Variants in TRAPPC9 observed in about 807,000 individuals in gnomAD.
The protein encoded by TRAPPC9 is trafficking protein particle complex subunit 9, also known as IKK2 binding protein.
TRAPPC9 carries 83 observed loss-of-function variants against 124.0 expected under a neutral mutation model. That is an observed-to-expected ratio of 0.67 (90% CI 0.56 to 0.80). The LOEUF is 0.80. Ranked by LOEUF, TRAPPC9 falls within the 30% of genes least tolerant of loss-of-function variation. The probability of loss-of-function intolerance (pLI) is 0.00; values close to 1 mark genes in which losing one functional copy is unlikely to be tolerated. For synonymous variants in TRAPPC9, 638 were observed against 617.5 expected, an observed-to-expected ratio of 1.03 and a Z score of -0.49; for missense variants, 1,302 against 1,508.3, an observed-to-expected ratio of 0.86 and a Z score of 2.27.
In TRAPPC9 at chr8:140,450,808, C is replaced by A. The variant is rs2071427196; in HGVS notation, c.566G>T (p.Gly189Val). ...CVPFEKKDFV[G>V]LDTDSRHYKK... Reference sequence around the variant, plus strand: ...AGCTTACCTGCTGTCTGTGTCCAGTCCTACAAAGTCCTTTTTCTCAAACGG... The same window carrying A: ...AGCTTACCTGCTGTCTGTGTCCAGTACTACAAAGTCCTTTTTCTCAAACGG... Residue 189 changes from glycine to valine, a missense_variant, in exon 2 of 23, where the codon GGA becomes GTA. Physicochemically the swap from Gly to Val is moderately radical, Grantham distance 109. Coordinates refer to ENST00000438773, the MANE Select transcript of TRAPPC9 (RefSeq NM_001160372.4). 5 of 1,609,854 alleles carry A rather than the reference C, an allele frequency of 3.1e-6. No homozygotes were observed. The East Asian group carries it at 8.9e-5, about 29-fold the overall frequency.
chr8:140,272,135 G>GTGATGGTGA (rs1563903632), intron 15 of TRAPPC9, among the ~76,000 whole-genome samples: 1 of 143,180 alleles, frequency 7.0e-6, no homozygotes, highest in African/African-American at 2.9e-5. Flanking sequence ...GGTGGCGATG[G>GTGATGGTGA]TGATGGTGAT....
chr8:140,321,653 G>A (rs1003363639), intron 9 of TRAPPC9, among the ~76,000 whole-genome samples: 3 of 152,164 alleles, frequency 2.0e-5, no homozygotes, highest in African/African-American at 7.2e-5. Flanking sequence ...GGAGAAAAGG[G>A]CTGAACTTGG....
chr8:140,169,947 A>G (rs1214302689), intron 17 of TRAPPC9, among the ~76,000 whole-genome samples: 1 of 152,118 alleles, frequency 6.6e-6, no homozygotes, highest in Non-Finnish European at 1.5e-5. Flanking sequence ...CATGTTGCCT[A>G]GGGTGACCTC....
chr8:140,127,462 C>G (rs879479221), intron 17 of TRAPPC9, among the ~76,000 whole-genome samples: 12 of 152,216 alleles, frequency 7.9e-5, no homozygotes, highest in Admixed American at 7.2e-4. Context: ...AGATGCTAAG[C>G]ATCTTGAGGA....
intron 21 of TRAPPC9, among the ~76,000 whole-genome samples, chr8:139,814,174 G>A (rs1183169541): frequency 2.0e-5 from 3 of 152,360 alleles, no homozygotes; most frequent in Non-Finnish European, 2.9e-5. Context: ...TGTGCTCCGC[G>A]AGGCAGGCGG....
At position 139,945,126 on chromosome 8, in the gene TRAPPC9, A is replaced by AAAT. The variant is rs778538666; in HGVS notation, c.2811-34829_2811-34827dup. Among the ~76,000 whole-genome samples, 219 of 152,234 alleles carry AAAT rather than the reference A, an allele frequency of 1.4e-3. 2 individuals are homozygous for AAAT. Among genetic ancestry groups the AAAT allele is most frequent in the African/African-American group, 5.1e-3 (212 of 41,546 alleles). ...GCAACAGAGTGAGACTCCATCTCAA[A>AAAT]AATAATAATAATAAAGAAATAAATA... is the stretch of plus-strand genomic sequence containing the variant. On this transcript the variant is annotated intron_variant, in intron 19 of 22. Coordinates refer to ENST00000438773, the MANE Select transcript of TRAPPC9 (RefSeq NM_001160372.4).
In TRAPPC9 at chr8:140,215,461, A is replaced by C. The variant is rs141439332; in HGVS notation, c.2556+5998T>G. Among the ~76,000 whole-genome samples, 488 of 151,964 alleles carry C rather than the reference A, an allele frequency of 3.2e-3. 3 individuals carry two copies. Among genetic ancestry groups the C allele is most frequent in the African/African-American group, 0.011 (469 of 41,386 alleles). ...AGTTCGGGACCAGCCCAGGCAACAC[A>C]GTGAAACCCCATCTCTACTAAAATA... is the stretch of plus-strand genomic sequence containing the variant. On this transcript the variant is annotated intron_variant, in intron 17 of 22. Transcript: ENST00000438773.
Position 140,104,652 on chromosome 8 carries a change from C to T in TRAPPC9, c.2557-80573G>A, listed in dbSNP as rs369158226. 2.0e-4 allele frequency among the ~76,000 whole-genome samples: 30 copies of T among 152,288 alleles called. No homozygotes were observed. Among genetic ancestry groups the T allele is most frequent in the African/African-American group, 7.2e-4 (30 of 41,558 alleles). ...CAGGCGGCAGGAATGCTGCGTCACA[C>T]ACAGGTGCTGTAAAAAGCTACGACA... On this transcript the variant is annotated intron_variant, in intron 17 of 22. Coordinates refer to ENST00000438773, the MANE Select transcript of TRAPPC9 (RefSeq NM_001160372.4). This position sits in a 1 kb window ranked among gnomAD's most constrained non-coding sequence, Gnocchi z 4.0.
At chr8:139,910,826 T>G (rs1306159858) in intron 19 of TRAPPC9, among the ~76,000 whole-genome samples, 6 of 152,206 alleles carry the variant, frequency 3.9e-5, no homozygotes, top group Non-Finnish European at 4.4e-5. Flanking sequence ...ATTTACCCAA[T>G]GTCTGTACCC....
At chr8:139,815,835 G>C (rs1321135514) in intron 21 of TRAPPC9, among the ~76,000 whole-genome samples, 1 of 152,254 alleles carries the variant, frequency 6.6e-6, no homozygotes, top group African/African-American at 2.4e-5. Flanking sequence ...GGGCAAGGAG[G>C]CTGCGTGTGC....
intron 17 of TRAPPC9, chr8:140,040,387 T>G (rs1328025007): frequency 6.6e-6 from 1 of 152,236 alleles, no homozygotes; most frequent in Non-Finnish European, 1.5e-5. Flanking sequence ...CTGAGCTTAA[T>G]AGGAGCACGC....
chr8:139,729,494 G>A lies in TRAPPC9; in HGVS notation c.*1567C>T, dbSNP rs757056538. ...ACCTTCTGGGGCTGCCTTCCCTGGGGAGCCTCGAGCAGATGCTGAATGAGC... is the reference window on the plus strand; with the variant it reads ...ACCTTCTGGGGCTGCCTTCCCTGGGAAGCCTCGAGCAGATGCTGAATGAGC... On this transcript the variant is annotated 3_prime_UTR_variant, in exon 23 of 23. Transcript: ENST00000438773. Among the ~76,000 whole-genome samples the A allele has an allele frequency of 6.6e-6, 1 of 152,230 alleles. No individual in the cohort carries two copies. Among genetic ancestry groups the A allele is most frequent in the Non-Finnish European group, 1.5e-5 (1 of 68,040 alleles).
At position 140,144,815 on chromosome 8, in the gene TRAPPC9, T is replaced by C. The variant is rs1445462066; in HGVS notation, c.2556+76644A>G. 4.6e-5 allele frequency among the ~76,000 whole-genome samples: 7 copies of C among 152,158 alleles called. No homozygotes were observed. In the East Asian group the frequency reaches 1.2e-3, roughly 25 times the overall value. On this transcript the variant is annotated intron_variant, in intron 17 of 22. Coordinates refer to ENST00000438773, the MANE Select transcript of TRAPPC9 (RefSeq NM_001160372.4). ...ATTGTATTTTTCTAACTGGTTTTTA[T>C]GGATCTAGATGAATGTTACTAATTT...
At chr8:140,430,146 CAA>C (rs765983225) in intron 4 of TRAPPC9, among the ~76,000 whole-genome samples, 16 of 100,384 alleles carry the variant, frequency 1.6e-4, no homozygotes, top group Admixed American at 5.1e-4. Context: ...GACTCCATCC[CAA>C]AAAAAAAAAA....
At chr8:139,755,660 A>G (rs1338225778) in intron 21 of TRAPPC9, among the ~76,000 whole-genome samples, 57 of 75,344 alleles carry the variant, frequency 7.6e-4, no homozygotes, top group Admixed American at 1.1e-3. Flanking sequence ...GTTGGGGTAT[A>G]AGGACAGCAG....
At chr8:140,083,065 T>C (rs1371796848) in intron 17 of TRAPPC9, among the ~76,000 whole-genome samples, 2 of 152,166 alleles carry the variant, frequency 1.3e-5, no homozygotes, top group Non-Finnish European at 2.9e-5. Flanking sequence ...TGGTGGCATG[T>C]GCCTGTAGTC....
Position 139,729,882 on chromosome 8 carries a change from G to A in TRAPPC9, c.*1179C>T, listed in dbSNP as rs566242013. ...GAGTTTCAGTGCCCAACGGGCACCT[G>A]ACGAGCCTGGTATCTGCTGGGGACC... is the stretch of plus-strand genomic sequence containing the variant. On this transcript the variant is annotated 3_prime_UTR_variant, in exon 23 of 23. Transcript: ENST00000438773. Among the ~76,000 whole-genome samples, 1 of 152,304 alleles carries A rather than the reference G, an allele frequency of 6.6e-6. No homozygotes were observed. The highest frequency in any genetic ancestry group is 2.1e-4 in the South Asian group (1 of 4,828).
intron 17 of TRAPPC9, among the ~76,000 whole-genome samples, chr8:140,072,526 A>G (rs959924140): frequency 7.3e-6 from 1 of 137,896 alleles, no homozygotes. Flanking sequence ...TCAAAAAAAA[A>G]AGGAGGAGGA....
intron 17 of TRAPPC9, among the ~76,000 whole-genome samples, chr8:140,112,791 T>C (rs1015350725): frequency 3.9e-5 from 6 of 152,088 alleles, no homozygotes; most frequent in Non-Finnish European, 8.8e-5. Context: ...TCTGTCTGGT[T>C]TGGGTTTGCA....
Sources: allele counts gnomAD v4.1 joint callset (sites outside exome capture counted in the v4.1 genomes callset), GRCh38; gene constraint gnomAD v4.1.1; non-coding constraint Gnocchi (gnomAD v3.1); transcripts MANE v1.5; gene names NCBI Gene and HGNC (gene_info 2026-07-23, HGNC 2026-07-21).